SLC2A14: variants seen among roughly 807,000 people sequenced by gnomAD.
SLC2A14 encodes the protein solute carrier family 2, facilitated glucose transporter member 14.
SLC2A14 carries 13 observed loss-of-function variants against 43.0 expected under a neutral mutation model. That is an observed-to-expected ratio of 0.30 (90% confidence interval 0.20 to 0.48). The LOEUF is 0.48. SLC2A14 is among the 20% of genes least tolerant of loss of function. SLC2A14 has a pLI of 0.99. For synonymous variants in SLC2A14, 190 were observed against 233.8 expected (o/e 0.81, Z 1.71); for missense variants, 428 against 620.4 (o/e 0.69, Z 3.29).
chr12:7,854,833 T>TG (rs1172964120), intron 2 of SLC2A14, among the ~76,000 whole-genome samples: 1 of 151,072 alleles, frequency 6.6e-6, no homozygotes, highest in East Asian at 2.0e-4. Flanking sequence ...TTTTTTGAGA[T>TG]GGAGTCTCGC....
intron 3 of SLC2A14, among the ~76,000 whole-genome samples, chr12:7,832,034 T>A (rs916099053): frequency 6.6e-6 from 1 of 152,114 alleles, no homozygotes; most frequent in Non-Finnish European, 1.5e-5. Context: ...CTTGAACCCG[T>A]GGGGCGGAGT....
chr12:7,848,197 G>A (rs1284644728), intron 2 of SLC2A14, among the ~76,000 whole-genome samples: 1 of 151,964 alleles, frequency 6.6e-6, no homozygotes, highest in Non-Finnish European at 1.5e-5. Context: ...GGTTATAAAG[G>A]GGTTACCTTC....
Position 7,828,873 on chromosome 12 carries a change from A to G in SLC2A14, c.514-7T>C. On this transcript the variant is annotated splice_polypyrimidine_tract_variant and splice_region_variant and intron_variant, in intron 5 of 10. Coordinates refer to ENST00000431042, the MANE Select transcript of SLC2A14 (RefSeq NM_001286234.2). ...TGAGTTCCAGACCAAAGATCTAGAA[A>G]CCACACAAAGATAATGCTATAAACC... 6.2e-7 allele frequency: 1 copy of G among 1,612,684 alleles called. No homozygotes were observed. The highest frequency in any genetic ancestry group is 8.5e-7 in the Non-Finnish European group (1 of 1,179,370).
chr12:7,882,444 T>A (rs774583821), intron 1 of SLC2A14, among the ~76,000 whole-genome samples: 1 of 152,122 alleles, frequency 6.6e-6, no homozygotes, highest in Non-Finnish European at 1.5e-5. Flanking sequence ...TTGAAGTCAG[T>A]GAGACCAAGA....
chr12:7,879,329 AC>A (rs1234461166), intron 1 of SLC2A14, among the ~76,000 whole-genome samples: 54 of 26,044 alleles, frequency 2.1e-3, no homozygotes, highest in South Asian at 4.0e-3. Flanking sequence ...ACAAACAACA[AC>A]AAAAAAAAAC....
At chr12:7,824,107 T>TCC (rs1864150646) in intron 7 of SLC2A14, among the ~76,000 whole-genome samples, 1 of 151,806 alleles carries the variant, frequency 6.6e-6, no homozygotes, top group Non-Finnish European at 1.5e-5. Context: ...AATACAAAAA[T>TCC]CAGCCGGGTG....
intron 2 of SLC2A14, among the ~76,000 whole-genome samples, chr12:7,842,374 C>A (rs778120694): frequency 1.1e-3 from 175 of 152,260 alleles, no homozygotes; most frequent in African/African-American, 4.0e-3. Flanking sequence ...GATTTCAACT[C>A]ATTTATGTAA....
chr12:7,834,530 C>CTTT (rs71038782), intron 2 of SLC2A14, among the ~76,000 whole-genome samples: 4 of 113,234 alleles, frequency 3.5e-5, no homozygotes, highest in East Asian at 2.6e-4. Flanking sequence ...TTCTCTCTCT[C>CTTT]TTTTTTTTTT....
chr12:7,874,946 AAATAT>A (rs1945419579), upstream of SLC2A14, among the ~76,000 whole-genome samples: 1 of 26,310 alleles, frequency 3.8e-5, no homozygotes. Flanking sequence ...ATTTATATAT[AAATAT>A]ATTTATATAT....
chr12:7,846,097 A>C (rs995859929), intron 2 of SLC2A14, among the ~76,000 whole-genome samples: 2 of 151,926 alleles, frequency 1.3e-5, no homozygotes, highest in African/African-American at 4.8e-5. Flanking sequence ...TGTCTAAACA[A>C]AAAAAAGAAA....
intron 2 of SLC2A14, among the ~76,000 whole-genome samples, chr12:7,852,912 T>C (rs1467599604): frequency 6.6e-6 from 1 of 152,076 alleles, no homozygotes; most frequent in Non-Finnish European, 1.5e-5. Flanking sequence ...AAGAAAGGTT[T>C]TCTCACTAAA....
chr12:7,871,024 A>AAG (rs1458196364), intron 1 of SLC2A14: 10 of 1,434,366 alleles, frequency 7.0e-6, no homozygotes, highest in Admixed American at 1.9e-5. Flanking sequence ...ACAGCACGAC[A>AAG]AGCTGGCTTC....
rs1166001257 is a variant in SLC2A14, at chr12:7,816,165, C to T, written c.1276-1631G>A. ...CAGGCCGGACTGCGGACTGCAGTGG[C>T]GCAATCTCGGCTCACTGCAAGCTCC... On this transcript the variant is annotated intron_variant, in intron 10 of 10. Coordinates refer to ENST00000431042, the MANE Select transcript of SLC2A14 (RefSeq NM_001286234.2). Among the ~76,000 whole-genome samples, 250 of 59,360 alleles carry T rather than the reference C, an allele frequency of 4.2e-3. 66 individuals are homozygous for T. The highest frequency in any genetic ancestry group is 0.017 in the African/African-American group (235 of 13,926). The allele number at this position is 59,360 out of a possible 152,430, so 38.9% of individuals were successfully genotyped here.
At position 7,869,922 on chromosome 12, in the gene SLC2A14, T is replaced by C; in HGVS notation, c.-42A>G. 1 of 1,527,720 alleles carries C rather than the reference T, an allele frequency of 6.5e-7. No homozygotes were observed. Among genetic ancestry groups the C allele is most frequent in the South Asian group, 1.2e-5 (1 of 83,560 alleles). The allele number at this position is 1,527,720 out of a possible 1,614,324, so 94.6% of individuals were successfully genotyped here. On this transcript the variant is annotated 5_prime_UTR_variant, in exon 2 of 11. Transcript: ENST00000431042. ...GAATTGACTCCCTCTCCAATTTCTC[T>C]TCAAGGTACTGCTTCCTGTAAATTG...
chr12:7,862,826 T>C (rs1177089663), intron 2 of SLC2A14, among the ~76,000 whole-genome samples: 3 of 152,114 alleles, frequency 2.0e-5, no homozygotes, highest in Non-Finnish European at 4.4e-5. Flanking sequence ...GGTGGGGCCT[T>C]GGAGAATCTG....
chr12:7,840,649 G>T (rs1316091373), intron 2 of SLC2A14, among the ~76,000 whole-genome samples: 2 of 152,188 alleles, frequency 1.3e-5, no homozygotes, highest in African/African-American at 4.8e-5. Flanking sequence ...GCCTCCCAAG[G>T]TGCTGGGATT....
intron 7 of SLC2A14, among the ~76,000 whole-genome samples, chr12:7,827,063 T>TTCTC (rs1157345006): frequency 4.4e-5 from 4 of 91,142 alleles, no homozygotes; most frequent in Non-Finnish European, 1.0e-4. Context: ...CTCTCTTTCT[T>TTCTC]TCTCTCTCTC....
chr12:7,871,171 G>T, intron 1 of SLC2A14: 12 of 1,259,088 alleles, frequency 9.5e-6, no homozygotes, highest in Non-Finnish European at 1.2e-5. Flanking sequence ...GATCCAAAAC[G>T]CCTTCACCTG....
intron 9 of SLC2A14, 100 bp downstream of exon 9, chr12:7,819,382 G>A: frequency 6.5e-7 from 1 of 1,535,624 alleles, no homozygotes; most frequent in Middle Eastern, 1.7e-4. Flanking sequence ...TGACTTTATT[G>A]ACAAACTGCA....
Sources: allele counts gnomAD v4.1 joint callset (sites outside exome capture counted in the v4.1 genomes callset), GRCh38; gene constraint gnomAD v4.1.1; transcripts MANE v1.5; gene names NCBI Gene and HGNC (gene_info 2026-07-23, HGNC 2026-07-21).